Variants in IGFBP7 observed in about 807,000 individuals in gnomAD.
IGFBP7 encodes the protein insulin like growth factor binding protein 7.
In IGFBP7, 31 loss-of-function variants were observed where a neutral mutation model predicts 29.4. That is an observed-to-expected ratio of 1.05 (90% CI 0.79 to 1.42). The LOEUF (loss-of-function observed/expected upper bound fraction) is 1.42, where lower values mean the gene tolerates loss of function less well. IGFBP7 is among the 40% of genes most tolerant of loss of function. The pLI is 0.00. For synonymous variants in IGFBP7, 172 were observed against 174.9 expected (o/e 0.98, Z 0.13); for missense variants, 393 against 395.5 (o/e 0.99, Z 0.05).
chr4:57,085,709 C>T (rs1725481875), intron 1 of IGFBP7, among the ~76,000 whole-genome samples: 1 of 152,100 alleles, frequency 6.6e-6, no homozygotes, highest in Non-Finnish European at 1.5e-5. Flanking sequence ...TAATCTTTCT[C>T]TGTGCTTTTT....
At chr4:57,052,893 T>C (rs34209153) in intron 1 of IGFBP7, among the ~76,000 whole-genome samples, 36,007 of 152,086 alleles carry the variant, frequency 0.24, 4,547 homozygotes, top group East Asian at 0.33. Flanking sequence ...ACTGTCAATC[T>C]TGTGATATCT....
rs997342742 is a variant in IGFBP7, at chr4:57,056,984, T to G, written c.476-16051A>C. Among the ~76,000 whole-genome samples the G allele has an allele frequency of 1.3e-4, 19 of 151,810 alleles. No individual in the cohort carries two copies. The East Asian group carries it at 3.7e-3, about 29-fold the overall frequency. ...CAGTGCAGGGAGACACAGAAAGGAG[T>G]TTTTCATGATTTCTATAGTAGATTT... On this transcript the variant is annotated intron_variant, in intron 1 of 4. Coordinates refer to ENST00000295666, the MANE Select transcript of IGFBP7 (RefSeq NM_001553.3).
In IGFBP7 at chr4:57,110,017, A is replaced by T. The variant is rs1473254013; in HGVS notation, c.335T>A (p.Val112Glu). ...AGGPGVSGVC[V>E]CKSRYPVCGS... is the part of the protein sequence containing the mutation. ...GCACACCGGGTAGCGGCTCTTGCAC[A>T]CGCACACGCCGCTTACACCCGGACC... Residue 112 changes from valine (V) to glutamate (E), a missense_variant, in exon 1 of 5, where the codon GTG becomes GAG. Coordinates refer to ENST00000295666, the MANE Select transcript of IGFBP7 (RefSeq NM_001553.3). 3 of 1,552,346 alleles carry T rather than the reference A, an allele frequency of 1.9e-6. No homozygotes were observed. Among genetic ancestry groups the T allele is most frequent in the Non-Finnish European group, 2.6e-6 (3 of 1,155,060 alleles).
intron 1 of IGFBP7, among the ~76,000 whole-genome samples, chr4:57,049,236 A>C (rs1724442278): frequency 6.6e-6 from 1 of 152,184 alleles, no homozygotes; most frequent in African/African-American, 2.4e-5. Flanking sequence ...AGGAGAAGTC[A>C]TGTTTGAAAG....
intron 1 of IGFBP7, among the ~76,000 whole-genome samples, chr4:57,064,431 A>G (rs1168824215): frequency 6.6e-6 from 1 of 152,262 alleles, no homozygotes; most frequent in African/African-American, 2.4e-5. Context: ...TGGATTTAAA[A>G]GAAACAACCA....
intron 2 of IGFBP7, among the ~76,000 whole-genome samples, chr4:57,040,299 C>T (rs1331456463): frequency 1.3e-5 from 2 of 152,052 alleles, no homozygotes; most frequent in East Asian, 1.9e-4. Context: ...CCTTCTTAGC[C>T]GAGCCTCCCA....
chr4:57,041,816 G>A (rs1724232890), intron 1 of IGFBP7, among the ~76,000 whole-genome samples: 1 of 152,154 alleles, frequency 6.6e-6, no homozygotes, highest in African/African-American at 2.4e-5. Context: ...TGGGATTACA[G>A]GTGTGAGCCA....
At chr4:57,102,733 T>C (rs1346800510) in intron 1 of IGFBP7, among the ~76,000 whole-genome samples, 1 of 152,234 alleles carries the variant, frequency 6.6e-6, no homozygotes, top group Non-Finnish European at 1.5e-5. Flanking sequence ...TTTTCAAATC[T>C]TTCCTAAAAT....
At chr4:57,059,526 A>T (rs376808783) in intron 1 of IGFBP7, among the ~76,000 whole-genome samples, 1 of 152,164 alleles carries the variant, frequency 6.6e-6, no homozygotes. Context: ...GTTCTCACTT[A>T]CAAGCGGGAA....
chr4:57,109,998 C>A lies in IGFBP7; in HGVS notation c.354G>T (p.Pro118=). The stretch of plus-strand genomic sequence containing the variant: ...AGGTGGTGCCGTCGCTGCCGCACAC[C>A]GGGTAGCGGCTCTTGCACACGCACA... ...SGVCVCKSRY[P]VCGSDGTTYP... is the part of the protein sequence containing the mutation. The change falls in exon 1 of 5, where the codon CCG becomes CCT. Residue 118 remains proline, a synonymous_variant. Coordinates refer to ENST00000295666, the MANE Select transcript of IGFBP7 (RefSeq NM_001553.3). The A allele has an allele frequency of 6.5e-7, 1 of 1,545,522 alleles. No homozygotes were observed. Among genetic ancestry groups the A allele is most frequent in the Non-Finnish European group, 8.7e-7 (1 of 1,151,334 alleles).
chr4:57,038,966 T>G lies in IGFBP7; in HGVS notation c.585+1858A>C, dbSNP rs189633529. Among the ~76,000 whole-genome samples the G allele has an allele frequency of 1.9e-3, 287 of 148,132 alleles. 1 individual carries two copies. Among genetic ancestry groups the G allele is most frequent in the African/African-American group, 7.0e-3 (280 of 39,840 alleles). On this transcript the variant is annotated intron_variant, in intron 2 of 4. Transcript: ENST00000295666. ...CTGTAATCCCAACTACTTGAGAGAC[T>G]GAGGCAGAAGAATCACTTGAACCCG...
At chr4:57,108,402 A>G (rs961116852) in intron 1 of IGFBP7, among the ~76,000 whole-genome samples, 3 of 152,222 alleles carry the variant, frequency 2.0e-5, no homozygotes, top group African/African-American at 4.8e-5. Flanking sequence ...CTTGGCTAAG[A>G]TCAGGAGCTG....
intron 1 of IGFBP7, among the ~76,000 whole-genome samples, chr4:57,072,234 T>G (rs1725069146): frequency 6.6e-6 from 1 of 152,188 alleles, no homozygotes; most frequent in Non-Finnish European, 1.5e-5. Flanking sequence ...CACTTATAAG[T>G]GAGAACACAT....
chr4:57,057,329 T>G (rs1390284511), intron 1 of IGFBP7, among the ~76,000 whole-genome samples: 1 of 152,184 alleles, frequency 6.6e-6, no homozygotes, highest in Non-Finnish European at 1.5e-5. Context: ...GTTTTAAAGG[T>G]GAGGACATTA....
intron 1 of IGFBP7, among the ~76,000 whole-genome samples, chr4:57,084,480 A>T (rs1301141534): frequency 6.6e-6 from 1 of 152,346 alleles, no homozygotes; most frequent in Non-Finnish European, 1.5e-5. Context: ...TTTATGCATT[A>T]TACTATTCTG....
chr4:57,044,804 T>C (rs970056586), intron 1 of IGFBP7, among the ~76,000 whole-genome samples: 1 of 152,228 alleles, frequency 6.6e-6, no homozygotes, highest in Non-Finnish European at 1.5e-5. Flanking sequence ...GCAGATCTAA[T>C]ATATCTGTTC....
intron 1 of IGFBP7, among the ~76,000 whole-genome samples, chr4:57,064,270 C>T (rs1214539390): frequency 6.6e-6 from 1 of 152,210 alleles, no homozygotes; most frequent in African/African-American, 2.4e-5. Flanking sequence ...GGTTGGATCC[C>T]TTCAGCCTAG....
At chr4:57,095,443 GA>G (rs1412301442) in intron 1 of IGFBP7, among the ~76,000 whole-genome samples, 1 of 152,138 alleles carries the variant, frequency 6.6e-6, no homozygotes, top group African/African-American at 2.4e-5. Context: ...CTGTTTAACT[GA>G]AGGGCAAGGT....
At chr4:57,067,328 A>ATT (rs35690762) in intron 1 of IGFBP7, among the ~76,000 whole-genome samples, 2 of 151,660 alleles carry the variant, frequency 1.3e-5, no homozygotes, top group Non-Finnish European at 2.9e-5. Flanking sequence ...GACACAAGGG[A>ATT]TTTTTTTTTG....
Sources: allele counts gnomAD v4.1 joint callset (sites outside exome capture counted in the v4.1 genomes callset), GRCh38; gene constraint gnomAD v4.1.1; transcripts MANE v1.5; gene names NCBI Gene and HGNC (gene_info 2026-07-23, HGNC 2026-07-21).